The following EML6 variants were observed in gnomAD, a reference collection of about 807,000 sequenced individuals.
EML6 encodes the protein echinoderm microtubule-associated protein-like 6.
A neutral mutation model predicts 240.1 loss-of-function variants in EML6; 154 were observed. The ratio of observed to expected loss-of-function variants is 0.64; its 90% confidence interval spans 0.56 to 0.73. The LOEUF (loss-of-function observed/expected upper bound fraction) is 0.73, where lower values mean the gene tolerates loss of function less well. EML6 is among the 30% of genes least tolerant of loss of function. The pLI is 0.00. For synonymous variants in EML6, 1,148 were observed against 899.0 expected, an observed-to-expected ratio of 1.28 and a Z score of -4.95; for missense variants, 2,964 against 2,474.6, an observed-to-expected ratio of 1.20 and a Z score of -4.20.
intron 2 of EML6, among the ~76,000 whole-genome samples, chr2:54,794,561 C>T (rs189695386): frequency 1.8e-4 from 27 of 152,202 alleles, no homozygotes; most frequent in East Asian, 7.7e-4. Flanking sequence ...TAAACTGGCT[C>T]GTCCTGATGC....
At chr2:54,956,562 A>G (rs1053663617) in intron 32 of EML6, among the ~76,000 whole-genome samples, 4 of 152,140 alleles carry the variant, frequency 2.6e-5, no homozygotes, top group Admixed American at 2.6e-4. Flanking sequence ...CTAAGTAGAG[A>G]GAGATCTGCT....
At chr2:54,949,672 C>T (rs939894001) in intron 29 of EML6, among the ~76,000 whole-genome samples, 11 of 152,188 alleles carry the variant, frequency 7.2e-5, no homozygotes, top group Admixed American at 1.3e-4. Context: ...CTCATGCTGG[C>T]CTTCAGACCT....
intron 2 of EML6, among the ~76,000 whole-genome samples, chr2:54,789,544 A>AAAAAAG (rs1669308977): frequency 7.0e-6 from 1 of 142,504 alleles, no homozygotes; most frequent in Non-Finnish European, 1.5e-5. Flanking sequence ...AAAAAAAAAA[A>AAAAAAG]AAAAGAAAAA....
intron 7 of EML6, among the ~76,000 whole-genome samples, chr2:54,840,379 A>T (rs1252118608): frequency 6.6e-6 from 1 of 152,264 alleles, no homozygotes; most frequent in Non-Finnish European, 1.5e-5. Flanking sequence ...GATGTAATGT[A>T]TATGTCTATA....
intron 28 of EML6, among the ~76,000 whole-genome samples, chr2:54,940,031 T>C (rs1675348569): frequency 6.6e-6 from 1 of 152,232 alleles, no homozygotes; most frequent in Admixed American, 6.5e-5. Context: ...ACTGTCAATC[T>C]ATGGCATATG....
chr2:54,905,017 G>A (rs554104675), intron 24 of EML6, among the ~76,000 whole-genome samples: 1 of 152,264 alleles, frequency 6.6e-6, no homozygotes, highest in Non-Finnish European at 1.5e-5. Flanking sequence ...AGCATGTGAT[G>A]CATTGCATTT....
intron 28 of EML6, among the ~76,000 whole-genome samples, chr2:54,935,612 C>T (rs1453971118): frequency 6.6e-6 from 1 of 152,166 alleles, no homozygotes; most frequent in African/African-American, 2.4e-5. Context: ...TCTGAGCGTG[C>T]CACAACAATC....
intron 17 of EML6, chr2:54,879,856 T>A: frequency 1.8e-6 from 1 of 550,826 alleles, no homozygotes; most frequent in East Asian, 3.0e-5. Flanking sequence ...AATTCCGAAA[T>A]CCTCTGCAGA....
chr2:54,954,233 C>A, intron 32 of EML6, 77 bp downstream of exon 32: 1 of 1,345,908 alleles, frequency 7.4e-7, no homozygotes, highest in Non-Finnish European at 1.0e-6. Context: ...GAACCCAGAT[C>A]TGCCTCACTC....
At chr2:54,791,112 T>A (rs1414549668) in intron 2 of EML6, among the ~76,000 whole-genome samples, 1 of 152,122 alleles carries the variant, frequency 6.6e-6, no homozygotes, top group East Asian at 1.9e-4. Context: ...TGAATAAATA[T>A]TACAAAAAAT....
intron 5 of EML6, among the ~76,000 whole-genome samples, chr2:54,826,121 C>T (rs923800585): frequency 2.6e-5 from 4 of 152,186 alleles, no homozygotes; most frequent in African/African-American, 4.8e-5. Flanking sequence ...AAAGCAAAGA[C>T]AAAGATTTCA....
chr2:54,748,458 G>A (rs1684016145), intron 2 of EML6: 1 of 152,146 alleles, frequency 6.6e-6, no homozygotes, highest in Non-Finnish European at 1.5e-5. Flanking sequence ...TCCAGCACAA[G>A]GCCTAGTATA....
Position 54,968,005 on chromosome 2 carries a change from G to C in EML6, c.5598-123G>C, listed in dbSNP as rs1676823833. The C allele has an allele frequency of 1.4e-5, 13 of 905,980 alleles. No homozygotes were observed. In the Admixed American group the frequency reaches 2.4e-4, roughly 17 times the overall value. The allele number at this position is 905,980 out of a possible 1,614,324, so 56.1% of individuals were successfully genotyped here. A position where few individuals can be genotyped will look rare whatever the true frequency, so the allele number is the denominator to read the frequency against. ...ATGGACCAGTACCGTTCCGTGGCCT[G>C]GCTGTTGGGGACCCCTGATGTTAAA... is the stretch of plus-strand genomic sequence containing the variant. On this transcript the variant is annotated intron_variant, in intron 39 of 41. Transcript: ENST00000356458.
intron 26 of EML6, among the ~76,000 whole-genome samples, chr2:54,925,527 G>A (rs546069646): frequency 6.6e-6 from 1 of 152,212 alleles, no homozygotes; most frequent in South Asian, 2.1e-4. Flanking sequence ...TCACTATCTT[G>A]GCTCTTTTTC....
At chr2:54,811,892 T>C (rs527287086) in intron 2 of EML6, among the ~76,000 whole-genome samples, 1 of 152,362 alleles carries the variant, frequency 6.6e-6, no homozygotes, top group South Asian at 2.1e-4. Context: ...CTTATAGCAT[T>C]CACCTGTTGT....
intron 4 of EML6, among the ~76,000 whole-genome samples, chr2:54,818,615 T>A (rs1340134112): frequency 1.3e-5 from 2 of 152,254 alleles, no homozygotes; most frequent in African/African-American, 4.8e-5. Flanking sequence ...AATTCAACTC[T>A]GTTAAAACTT....
intron 33 of EML6, 148 bp downstream of exon 33, chr2:54,958,146 C>A (rs994962783): frequency 1.5e-6 from 1 of 660,712 alleles, no homozygotes; most frequent in Admixed American, 2.9e-5. Context: ...TATCTGCAAC[C>A]ACTGTTCCTT....
chr2:54,938,986 C>T (rs937856838), intron 28 of EML6, among the ~76,000 whole-genome samples: 3 of 152,168 alleles, frequency 2.0e-5, no homozygotes, highest in African/African-American at 2.4e-5. Context: ...AGTAGGTTGT[C>T]AACTCTGTGA....
At chr2:54,915,817 A>G (rs992075851) in intron 25 of EML6, among the ~76,000 whole-genome samples, 1 of 152,158 alleles carries the variant, frequency 6.6e-6, no homozygotes, top group Non-Finnish European at 1.5e-5. Flanking sequence ...AATTTTAGCT[A>G]CAGTTCTCTA....
Sources: gnomAD v4.1 joint callset for allele counts (sites outside exome capture counted in the v4.1 genomes callset) on GRCh38, gnomAD v4.1.1 for gene constraint, MANE v1.5 for transcripts, NCBI Gene and HGNC (gene_info 2026-07-23, HGNC 2026-07-21) for gene names.